ASPSCR1: variants seen among roughly 807,000 people sequenced by gnomAD.
ASPSCR1 encodes the protein ASPSCR1 tether for SLC2A4, UBX domain containing, also known as tether containing UBX domain for GLUT4.
In ASPSCR1, 55 loss-of-function variants were observed where a neutral mutation model predicts 68.9. The observed-to-expected ratio is 0.80, with a 90% CI of 0.64 to 1.00. The LOEUF is 1.00. ASPSCR1 is among the 50% of genes least tolerant of loss of function. The pLI is 0.00. For missense variants in ASPSCR1, 765 were observed against 762.2 expected (o/e 1.00, Z -0.04); for synonymous variants, 352 against 332.6 (o/e 1.06, Z -0.63).
In ASPSCR1 at chr17:82,011,391, C is replaced by G. The variant is rs529043051; in HGVS notation, c.1238-152C>G. 1.8e-5 allele frequency: 14 copies of G among 759,380 alleles called. 1 individual carries two copies. In the South Asian group the frequency reaches 2.7e-4, roughly 15 times the overall value. 47.0% of individuals were successfully genotyped at this position (759,380 alleles called of 1,614,324 possible). ...TGGCCCGCACGGTGGCCCAGCCACG[C>G]CGAGCACCTGGAGTGCTGTGGGAGG... On this transcript the variant is annotated intron_variant, in intron 10 of 15. Transcript: ENST00000306739.
Position 82,011,560 on chromosome 17 carries a change from T to C in ASPSCR1, c.1255T>C (p.Phe419Leu). 4 of 1,579,248 alleles carry C rather than the reference T, an allele frequency of 2.5e-6. No homozygotes were observed. The highest frequency in any genetic ancestry group is 1.7e-6 in the Non-Finnish European group (2 of 1,169,446). Residue 419 changes from phenylalanine to leucine, a missense_variant, in exon 11 of 16, where the codon TTC (phenylalanine) becomes CTC (leucine). Phe to Leu is a conservative substitution (Grantham distance 22). Transcript: ENST00000306739. The part of the protein sequence containing the change: ...PSETVGDLRD[F>L]VRSHLGNPEL... ...CTCTGCAGTGGGGGACTTGCGAGAC[T>C]TCGTGAGGAGCCACCTGGGGAACCC...
In ASPSCR1 at chr17:81,999,726, G is replaced by A. The variant is rs1335466307; in HGVS notation, c.933+2880G>A. Among the ~76,000 whole-genome samples the A allele has an allele frequency of 1.3e-5, 2 of 152,036 alleles. No individual in the cohort carries two copies. The highest frequency in any genetic ancestry group is 2.4e-5 in the African/African-American group (1 of 41,396). On this transcript the variant is annotated intron_variant, in intron 7 of 15. Coordinates refer to ENST00000306739, the MANE Select transcript of ASPSCR1 (RefSeq NM_024083.4). This position sits in a 1 kb window ranked among gnomAD's most constrained non-coding sequence, Gnocchi z 4.4. ...CCTGGGCACTCGTGCTACGTGTCCC[G>A]GAACTCAGGTGAGGTCAGGAGTTTG... is the stretch of plus-strand genomic sequence containing the variant.
intron 13 of ASPSCR1, 35 bp from the exon 14 acceptor site, chr17:82,016,765 T>C: frequency 6.3e-7 from 1 of 1,597,666 alleles, no homozygotes; most frequent in Non-Finnish European, 8.5e-7. Flanking sequence ...GGACCCCTCC[T>C]CAGAGGCTCA....
chr17:82,010,903 G>C (rs757628185), intron 10 of ASPSCR1, 35 bp downstream of exon 10: 1 of 1,603,406 alleles, frequency 6.2e-7, no homozygotes, highest in Non-Finnish European at 8.5e-7. Flanking sequence ...GGGATGGGGG[G>C]CAGGGGCCCA....
rs940968592 is a variant in ASPSCR1, at chr17:82,016,506, T to C, written c.1384T>C (p.Leu462=). The C allele has an allele frequency of 6.5e-7, 1 of 1,548,922 alleles. No homozygotes were observed. Among genetic ancestry groups the C allele is most frequent in the Non-Finnish European group, 8.7e-7 (1 of 1,147,082 alleles). Residue 462 remains leucine (L), a synonymous_variant, in exon 13 of 16, where the codon TTG becomes CTG. Transcript: ENST00000306739. ...CCTCTTCCCGGCCGCTCTGGTGCAC[T>C]TGGGAGCCGAGGAGCCGGCAGGTGA... The part of the protein sequence containing the change: ...ANLFPAALVH[L]GAEEPAGVYL...
intron 10 of ASPSCR1, among the ~76,000 whole-genome samples, chr17:82,011,316 G>A (rs1261961934): frequency 2.7e-5 from 4 of 149,096 alleles, no homozygotes; most frequent in Non-Finnish European, 6.0e-5. Context: ...GGGCTGGGGG[G>A]CAGCGGGTGG....
At chr17:82,001,321 C>T (rs2042522275) in intron 7 of ASPSCR1, among the ~76,000 whole-genome samples, 1 of 152,174 alleles carries the variant, frequency 6.6e-6, no homozygotes, top group Non-Finnish European at 1.5e-5. Flanking sequence ...GGAGCCCCCA[C>T]ATCCGACGCG....
chr17:82,016,715 A>G, intron 13 of ASPSCR1, 85 bp from the exon 14 acceptor site: 1 of 1,506,874 alleles, frequency 6.6e-7, no homozygotes. Flanking sequence ...CCCCTCCCAG[A>G]GCTGAGTGCT....
intron 2 of ASPSCR1, 54 bp downstream of exon 2, chr17:81,979,293 C>G (rs1212791942): frequency 1.3e-6 from 2 of 1,570,082 alleles, no homozygotes; most frequent in Non-Finnish European, 1.8e-6. Flanking sequence ...GCCCCTGCCC[C>G]CTGAACATAC....
At chr17:81,997,288 A>G (rs2042383671) in intron 7 of ASPSCR1, among the ~76,000 whole-genome samples, 1 of 152,130 alleles carries the variant, frequency 6.6e-6, no homozygotes, top group South Asian at 2.1e-4. Flanking sequence ...CCACTCAACT[A>G]CATGCACGTT....
At chr17:82,012,575 G>T (rs2042987594) in intron 12 of ASPSCR1, among the ~76,000 whole-genome samples, 1 of 152,156 alleles carries the variant, frequency 6.6e-6, no homozygotes. Context: ...TGCTGTGCTG[G>T]GGCCAAGGCG....
intron 12 of ASPSCR1, chr17:82,015,299 G>T: frequency 6.3e-7 from 1 of 1,598,160 alleles, no homozygotes; most frequent in Non-Finnish European, 8.5e-7. Context: ...CCCCTCGTCC[G>T]AGCAGTGGCG....
Position 82,015,535 on chromosome 17 carries a change from G to A in ASPSCR1, c.1354-941G>A, listed in dbSNP as rs1195349676. 3 of 810,848 alleles carry A rather than the reference G, an allele frequency of 3.7e-6. No homozygotes were observed. In the African/African-American group the frequency reaches 5.2e-5, roughly 14 times the overall value. The allele number at this position is 810,848 out of a possible 1,614,324, so 50.2% of individuals were successfully genotyped here. ...TCCTGGCCTGTGGGGGCTATGATGA[G>A]AACCAGGTGCCTCTCTGCATCGGTG... is the stretch of plus-strand genomic sequence containing the variant. On this transcript the variant is annotated intron_variant, in intron 12 of 15. Coordinates refer to ENST00000306739, the MANE Select transcript of ASPSCR1 (RefSeq NM_024083.4).
chr17:81,980,615 A>G (rs1395685130), intron 2 of ASPSCR1, among the ~76,000 whole-genome samples: 1 of 152,250 alleles, frequency 6.6e-6, no homozygotes, highest in Non-Finnish European at 1.5e-5. Context: ...CAGGGTGGCC[A>G]TTCTAACAGG....
chr17:81,978,247 C>T (rs1436812630), intron 1 of ASPSCR1: 1 of 152,204 alleles, frequency 6.6e-6, no homozygotes, highest in Non-Finnish European at 1.5e-5. Context: ...ATTGGCTGGG[C>T]GCGGTGGCTC....
chr17:81,995,269 A>T, intron 5 of ASPSCR1: 169 of 259,650 alleles, frequency 6.5e-4, no homozygotes, highest in Middle Eastern at 1.2e-3. Context: ...ACGCTGGCTG[A>T]GTGCCCTTTG....
chr17:82,004,002 G>A (rs2042623030), intron 7 of ASPSCR1, among the ~76,000 whole-genome samples: 1 of 152,254 alleles, frequency 6.6e-6, no homozygotes, highest in Non-Finnish European at 1.5e-5. Context: ...GGGAGGCCGG[G>A]AGGGAAAAAC....
At chr17:81,981,809 C>T (rs1598383718) in intron 2 of ASPSCR1, among the ~76,000 whole-genome samples, 1 of 151,976 alleles carries the variant, frequency 6.6e-6, no homozygotes, top group East Asian at 1.9e-4. Flanking sequence ...GCTGGAATTA[C>T]AGGCACGTGC....
intron 7 of ASPSCR1, chr17:82,006,846 G>A (rs1204394444): frequency 1.3e-5 from 2 of 152,344 alleles, no homozygotes; most frequent in Non-Finnish European, 2.9e-5. Flanking sequence ...CCAGACTGCT[G>A]GGCAGAGCTC....
Sources: allele counts gnomAD v4.1 joint callset (sites outside exome capture counted in the v4.1 genomes callset), GRCh38; gene constraint gnomAD v4.1.1; non-coding constraint Gnocchi (gnomAD v3.1); transcripts MANE v1.5; gene names NCBI Gene and HGNC (gene_info 2026-07-23, HGNC 2026-07-21).